RAB38: variants seen among roughly 807,000 people sequenced by gnomAD.
RAB38 encodes the protein ras-related protein Rab-38.
A neutral mutation model predicts 18.4 loss-of-function variants in RAB38; 15 were observed. The ratio of observed to expected loss-of-function variants is 0.82; its 90% CI spans 0.55 to 1.26. The LOEUF (loss-of-function observed/expected upper bound fraction) is 1.26. RAB38 is among the 50% of genes most tolerant of loss of function. The pLI, the probability that RAB38 is intolerant of heterozygous loss-of-function variation, is 0.00. For synonymous variants in RAB38, 101 were observed against 104.4 expected (o/e 0.97, Z 0.20); for missense variants, 294 against 267.4 (o/e 1.10, Z -0.69).
rs1444536839 is a variant in RAB38 at position 88,113,970 on chromosome 11, C to T, written c.*18G>A. On this transcript the variant is annotated 3_prime_UTR_variant, in exon 3 of 3. Transcript: ENST00000243662. ...GAACAATGAGGTCATTCCTACCAGACACCAGCAAAGGTGCCTACTAGGATT... is the reference window on the plus strand; with the variant it reads ...GAACAATGAGGTCATTCCTACCAGATACCAGCAAAGGTGCCTACTAGGATT... 8 of 1,613,922 alleles carry T rather than the reference C, an allele frequency of 5.0e-6. No homozygotes were observed. Among genetic ancestry groups the T allele is most frequent in the South Asian group, 4.4e-5 (4 of 91,056 alleles).
At chr11:88,066,580 T>G in the RAB38 span, among the ~76,000 whole-genome samples, 1 of 152,200 alleles carries the variant, frequency 6.6e-6, no homozygotes, top group Non-Finnish European at 1.5e-5. Flanking sequence ...TGCACAGATC[T>G]CATTAGAGGC....
chr11:87,976,548 A>T, the RAB38 span, among the ~76,000 whole-genome samples: 1 of 125,934 alleles, frequency 7.9e-6, no homozygotes, highest in Non-Finnish European at 1.6e-5. Context: ...TTTATATTTT[A>T]TATATACTTA....
chr11:87,912,762 C>CTT, the RAB38 span, among the ~76,000 whole-genome samples: 1,506 of 86,494 alleles, frequency 0.017, 64 homozygotes, highest in South Asian at 0.08. Flanking sequence ...AATTTTCTTT[C>CTT]TTTCTTTTTT....
chr11:87,868,249 G>A, the RAB38 span, among the ~76,000 whole-genome samples: 1 of 151,442 alleles, frequency 6.6e-6, no homozygotes. Flanking sequence ...GTTCCCACAA[G>A]AGCTGTTGTT....
chr11:88,038,239 A>G, the RAB38 span, among the ~76,000 whole-genome samples: 1 of 152,298 alleles, frequency 6.6e-6, no homozygotes, highest in South Asian at 2.1e-4. Context: ...TAGTGAGCTC[A>G]AGGCAATTTA....
At chr11:87,947,660 T>G in the RAB38 span, among the ~76,000 whole-genome samples, 111 of 152,302 alleles carry the variant, frequency 7.3e-4, no homozygotes, top group African/African-American at 2.5e-3. Flanking sequence ...TTTCCCCATT[T>G]CATGTTTTTG....
At chr11:88,007,290 C>T in the RAB38 span, among the ~76,000 whole-genome samples, 3 of 151,844 alleles carry the variant, frequency 2.0e-5, no homozygotes, top group African/African-American at 7.2e-5. Context: ...TAATTTTTCT[C>T]ATTCTGTCAT....
At chr11:88,060,133 C>T in the RAB38 span, 1 of 152,200 alleles carries the variant, frequency 6.6e-6, no homozygotes, top group Non-Finnish European at 1.5e-5. Flanking sequence ...AGAGTGGCCA[C>T]CAACAGGAGA....
At chr11:88,103,518 G>C in the RAB38 span, among the ~76,000 whole-genome samples, 3 of 152,064 alleles carry the variant, frequency 2.0e-5, no homozygotes, top group Non-Finnish European at 2.9e-5. Context: ...AAGACAAGGC[G>C]TCTAAATAGT....
the RAB38 span, among the ~76,000 whole-genome samples, chr11:87,952,150 A>G: frequency 6.6e-6 from 1 of 152,076 alleles, no homozygotes; most frequent in Non-Finnish European, 1.5e-5. Context: ...ACAGGGATCC[A>G]TCGGGAGGGT....
chr11:87,822,901 T>C, the RAB38 span, among the ~76,000 whole-genome samples: 2 of 152,124 alleles, frequency 1.3e-5, no homozygotes, highest in Non-Finnish European at 2.9e-5. Flanking sequence ...AATGCAATTA[T>C]AGTAGAATCA....
chr11:88,172,503 A>G (rs1650949106), intron 1 of RAB38, among the ~76,000 whole-genome samples: 5 of 152,210 alleles, frequency 3.3e-5, no homozygotes, highest in Admixed American at 3.3e-4. Flanking sequence ...ATGATATCCT[A>G]TCAGAACAGT....
chr11:87,880,414 C>G, the RAB38 span, among the ~76,000 whole-genome samples: 1 of 151,738 alleles, frequency 6.6e-6, no homozygotes, highest in Non-Finnish European at 1.5e-5. Flanking sequence ...GATGGTAGAG[C>G]CACAGTATGG....
the RAB38 span, among the ~76,000 whole-genome samples, chr11:87,962,386 A>G: frequency 6.6e-6 from 1 of 152,166 alleles, no homozygotes; most frequent in Non-Finnish European, 1.5e-5. Context: ...TTAGCCAGGC[A>G]CAAAAGGACA....
chr11:87,887,410 G>T, the RAB38 span, among the ~76,000 whole-genome samples: 10 of 151,396 alleles, frequency 6.6e-5, no homozygotes, highest in South Asian at 2.1e-3. Context: ...CATATGCTCC[G>T]CAGAGTGCTG....
chr11:87,918,771 G>T, the RAB38 span, among the ~76,000 whole-genome samples: 1 of 151,848 alleles, frequency 6.6e-6, no homozygotes, highest in Non-Finnish European at 1.5e-5. Context: ...AGAATATTAA[G>T]TCTTTATCAG....
the RAB38 span, among the ~76,000 whole-genome samples, chr11:88,100,440 G>A: frequency 3.9e-5 from 6 of 152,016 alleles, no homozygotes; most frequent in East Asian, 3.9e-4. Context: ...AAGTCTTTCC[G>A]ATGGCATGTT....
At chr11:87,813,297 G>C in the RAB38 span, among the ~76,000 whole-genome samples, 3 of 152,144 alleles carry the variant, frequency 2.0e-5, no homozygotes, top group Non-Finnish European at 2.9e-5. Context: ...GTACCCAGGC[G>C]TTAAGATAAT....
the RAB38 span, among the ~76,000 whole-genome samples, chr11:88,045,676 T>A: frequency 1.8e-4 from 27 of 152,300 alleles, no homozygotes; most frequent in African/African-American, 6.3e-4. Flanking sequence ...CGCTGCCTGA[T>A]TGCCTCGGAA....
Sources: allele counts gnomAD v4.1 joint callset (sites outside exome capture counted in the v4.1 genomes callset), GRCh38; gene constraint gnomAD v4.1.1; transcripts MANE v1.5; gene names NCBI Gene and HGNC (gene_info 2026-07-23, HGNC 2026-07-21).